Variants in OPCML observed in about 807,000 individuals in gnomAD.
OPCML encodes opioid-binding protein/cell adhesion molecule.
OPCML carries 13 observed loss-of-function variants against 37.8 expected under a neutral mutation model. The observed-to-expected ratio is 0.34, with a 90% CI of 0.22 to 0.55. The LOEUF is 0.55. Ranked by LOEUF, OPCML falls within the 20% of genes least tolerant of loss-of-function variation. The probability of loss-of-function intolerance (pLI) is 0.91; values close to 1 mark genes in which losing one functional copy is unlikely to be tolerated. For missense variants in OPCML, 341 were observed against 435.6 expected, an observed-to-expected ratio of 0.78 and a Z score of 1.93; for synonymous variants, 176 against 168.8, an observed-to-expected ratio of 1.04 and a Z score of -0.33.
At chr11:132,539,839 A>G (rs1046889789) in intron 3 of OPCML, among the ~76,000 whole-genome samples, 1 of 151,968 alleles carries the variant, frequency 6.6e-6, no homozygotes. Context: ...GATGATGTTG[A>G]GGGTAATAAG....
chr11:132,762,384 G>T (rs923925001), intron 2 of OPCML, among the ~76,000 whole-genome samples: 1 of 152,344 alleles, frequency 6.6e-6, no homozygotes, highest in East Asian at 1.9e-4. Context: ...AGGCAGGAAC[G>T]TTTAAGTCTG....
intron 1 of OPCML, among the ~76,000 whole-genome samples, chr11:133,096,801 G>A (rs1949010331): frequency 6.6e-6 from 1 of 151,886 alleles, no homozygotes; most frequent in Non-Finnish European, 1.5e-5. Context: ...ATAGAGATGG[G>A]GCAATATATA....
At chr11:132,592,611 C>G (rs1333377253) in intron 3 of OPCML, among the ~76,000 whole-genome samples, 1 of 152,192 alleles carries the variant, frequency 6.6e-6, no homozygotes, top group Non-Finnish European at 1.5e-5. Flanking sequence ...AGCAAGAGAC[C>G]TGCAGTGCAG....
At chr11:132,438,801 G>A (rs1437700862) in intron 4 of OPCML, among the ~76,000 whole-genome samples, 1 of 151,990 alleles carries the variant, frequency 6.6e-6, no homozygotes, top group Admixed American at 6.6e-5. Context: ...TGGGTATAGG[G>A]GGTAAGGAGG....
At chr11:133,171,827 C>T (rs1477692719) in intron 1 of OPCML, among the ~76,000 whole-genome samples, 5 of 152,168 alleles carry the variant, frequency 3.3e-5, no homozygotes, top group African/African-American at 1.2e-4. Flanking sequence ...TCCCAGGGTA[C>T]AAGAACCTCC....
intron 1 of OPCML, among the ~76,000 whole-genome samples, chr11:133,156,241 C>A (rs1487558332): frequency 6.6e-6 from 1 of 152,144 alleles, no homozygotes; most frequent in East Asian, 1.9e-4. Flanking sequence ...AGAATGACTG[C>A]CCCCTGCTTA....
intron 2 of OPCML, among the ~76,000 whole-genome samples, chr11:132,937,306 A>G (rs1011498261): frequency 1.3e-5 from 2 of 152,176 alleles, no homozygotes; most frequent in Admixed American, 6.5e-5. Flanking sequence ...GAAATGAGAA[A>G]GACAGACCTA....
intron 1 of OPCML, chr11:133,420,467 G>GCTT: frequency 1.0e-6 from 1 of 985,074 alleles, no homozygotes; most frequent in Non-Finnish European, 1.2e-6. Flanking sequence ...CCTCTCGTAT[G>GCTT]CTTCTTCTTC....
intron 2 of OPCML, among the ~76,000 whole-genome samples, chr11:132,852,692 A>G (rs557735087): frequency 2.5e-4 from 38 of 152,318 alleles, no homozygotes; most frequent in African/African-American, 8.9e-4. Flanking sequence ...ATGTCCTTCA[A>G]TGAAACAGAG....
At chr11:132,554,114 GAGATTT>G (rs1487702645) in intron 3 of OPCML, among the ~76,000 whole-genome samples, 2 of 152,150 alleles carry the variant, frequency 1.3e-5, no homozygotes, top group African/African-American at 4.8e-5. Context: ...GCTGGGACCT[GAGATTT>G]AGATCATTAA....
chr11:133,205,160 C>T lies in OPCML; in HGVS notation c.62-262150G>A, dbSNP rs1939008930. 6.6e-6 allele frequency among the ~76,000 whole-genome samples: 1 copy of T among 151,856 alleles called. No homozygotes were observed. The highest frequency in any genetic ancestry group is 1.5e-5 in the Non-Finnish European group (1 of 68,008). ...TGAAGGTTGAGTTGCTCACCAATGG[C>T]TAATGATGTAATCAATTATGGCAAC... is the stretch of plus-strand genomic sequence containing the variant. On this transcript the variant is annotated intron_variant, in intron 1 of 7. Coordinates refer to ENST00000524381, the MANE Select transcript of OPCML (RefSeq NM_001012393.5). This position sits in a 1 kb window ranked among gnomAD's most constrained non-coding sequence, Gnocchi z 4.8.
At chr11:132,998,878 G>A (rs796237606) in intron 1 of OPCML, among the ~76,000 whole-genome samples, 12 of 152,234 alleles carry the variant, frequency 7.9e-5, no homozygotes, top group Non-Finnish European at 1.0e-4. Flanking sequence ...TCCAGCCTCC[G>A]GAAATATGAG....
chr11:133,340,959 C>A (rs7124816), intron 1 of OPCML, among the ~76,000 whole-genome samples: 3 of 152,050 alleles, frequency 2.0e-5, no homozygotes, highest in Non-Finnish European at 4.4e-5. Flanking sequence ...TAAAAAGATG[C>A]GACCCTGACA....
chr11:133,343,120 T>C (rs1943914558), intron 1 of OPCML, among the ~76,000 whole-genome samples: 1 of 152,154 alleles, frequency 6.6e-6, no homozygotes, highest in Non-Finnish European at 1.5e-5. Context: ...TGAGCCACTG[T>C]GACACACCAT....
At chr11:133,279,709 T>C (rs1942090337) in intron 1 of OPCML, among the ~76,000 whole-genome samples, 1 of 152,194 alleles carries the variant, frequency 6.6e-6, no homozygotes, top group East Asian at 1.9e-4. Flanking sequence ...AATGCATTAT[T>C]GAAATATGTC....
chr11:132,847,324 T>C (rs977888017), intron 2 of OPCML, among the ~76,000 whole-genome samples: 4 of 152,168 alleles, frequency 2.6e-5, no homozygotes, highest in African/African-American at 9.7e-5. Context: ...GTATATCCAT[T>C]GCATTAGAGT....
At chr11:132,683,598 T>C (rs143699292) in intron 2 of OPCML, among the ~76,000 whole-genome samples, 1 of 152,342 alleles carries the variant, frequency 6.6e-6, no homozygotes, top group African/African-American at 2.4e-5. Flanking sequence ...TCTCAGACTG[T>C]GAGAATAAAA....
Position 133,366,599 on chromosome 11 carries a change from G to A in OPCML, c.61+165665C>T, listed in dbSNP as rs150313788. On this transcript the variant is annotated intron_variant, in intron 1 of 7. Coordinates refer to ENST00000524381, the MANE Select transcript of OPCML (RefSeq NM_001012393.5). ...CCCTTCATGATGGGGAGAAGAAGGC[G>A]GAAGCCAAAGGGGTGGAAGGATGCA... Among the ~76,000 whole-genome samples, 521 of 152,234 alleles carry A rather than the reference G, an allele frequency of 3.4e-3. 2 individuals are homozygous for A. The highest frequency in any genetic ancestry group is 0.01 in the African/African-American group (432 of 41,530).
At chr11:132,826,944 G>C (rs1381960779) in intron 2 of OPCML, among the ~76,000 whole-genome samples, 3 of 152,166 alleles carry the variant, frequency 2.0e-5, no homozygotes, top group Non-Finnish European at 1.5e-5. Flanking sequence ...AAAGGGAAGA[G>C]AAGGGGGAGA....
Sources: allele counts gnomAD v4.1 joint callset (sites outside exome capture counted in the v4.1 genomes callset), GRCh38; gene constraint gnomAD v4.1.1; non-coding constraint Gnocchi (gnomAD v3.1); transcripts MANE v1.5; gene names NCBI Gene and HGNC (gene_info 2026-07-23, HGNC 2026-07-21).